ZCCHC8: variants seen among roughly 807,000 people sequenced by gnomAD.
ZCCHC8 encodes zinc finger CCHC domain-containing protein 8.
ZCCHC8 carries 27 observed loss-of-function variants against 70.6 expected under a neutral mutation model. The ratio of observed to expected loss-of-function variants is 0.38; its 90% CI spans 0.28 to 0.53. The LOEUF (loss-of-function observed/expected upper bound fraction) is 0.53, where lower values mean the gene tolerates loss of function less well. Among genes scored for constraint, ZCCHC8 ranks in the 20% least tolerant of loss-of-function variants. ZCCHC8 has a pLI of 0.81. For missense variants in ZCCHC8, 737 were observed against 876.9 expected, an observed-to-expected ratio of 0.84 and a Z score of 2.01; for synonymous variants, 293 against 317.4, an observed-to-expected ratio of 0.92 and a Z score of 0.82.
At chr12:122,476,936 C>A (rs1002329083) in intron 13 of ZCCHC8, among the ~76,000 whole-genome samples, 31 of 148,546 alleles carry the variant, frequency 2.1e-4, no homozygotes, top group Admixed American at 4.0e-4. Flanking sequence ...GCAGGAGAAT[C>A]GCTTGAACCT....
rs1284367342 is a variant in ZCCHC8 at position 122,492,699 on chromosome 12, G to A, written c.317+16C>T. ...AAACACATTATTATATTTAGGAAAG[G>A]GAAAAAATTACTTACTTTGAAATAG... On this transcript the variant is annotated intron_variant, in intron 3 of 13. Transcript: ENST00000633063. The A allele has an allele frequency of 6.8e-7, 1 of 1,473,538 alleles. No individual in the cohort carries two copies. The allele number at this position is 1,473,538 out of a possible 1,614,324, so 91.3% of individuals were successfully genotyped here.
intron 5 of ZCCHC8, among the ~76,000 whole-genome samples, chr12:122,488,597 G>C (rs373222434): frequency 1.3e-5 from 2 of 150,764 alleles, no homozygotes; most frequent in East Asian, 2.0e-4. Context: ...GCTGCGCTGG[G>C]CACAGTGGCT....
chr12:122,485,662 T>C (rs549649464), intron 5 of ZCCHC8, among the ~76,000 whole-genome samples: 5 of 151,606 alleles, frequency 3.3e-5, no homozygotes, highest in African/African-American at 1.2e-4. Context: ...AGAGAAAATA[T>C]GACGACATCC....
Position 122,500,639 on chromosome 12 carries a change from T to C in ZCCHC8, c.199+3A>G, listed in dbSNP as rs777713746. ...GACAGGGCCCAGCGAGAGGAAAGGA[T>C]ATTCTCGGCGCGGAGCTGCTCGATG... On this transcript the variant is annotated splice_donor_region_variant and intron_variant, in intron 1 of 13. Coordinates refer to ENST00000633063, the MANE Select transcript of ZCCHC8 (RefSeq NM_017612.5). This position sits in a 1 kb window ranked among gnomAD's most constrained non-coding sequence, Gnocchi z 4.8. 36 of 1,566,602 alleles carry C rather than the reference T, an allele frequency of 2.3e-5. No homozygotes were observed. Among genetic ancestry groups the C allele is most frequent in the Non-Finnish European group, 2.7e-5 (31 of 1,158,028 alleles).
intron 12 of ZCCHC8, 38 bp from the exon 13 acceptor site, chr12:122,477,996 G>A: frequency 6.7e-7 from 1 of 1,491,634 alleles, no homozygotes; most frequent in Non-Finnish European, 9.4e-7. Flanking sequence ...GTTAAGCGGG[G>A]TAGATAATGA....
intron 2 of ZCCHC8, among the ~76,000 whole-genome samples, chr12:122,494,367 C>T (rs1163154205): frequency 2.7e-5 from 4 of 149,764 alleles, no homozygotes; most frequent in Non-Finnish European, 5.9e-5. Context: ...GCCTGGCCAA[C>T]ATGGTGCAAC....
At position 122,471,815 on chromosome 12, in the gene ZCCHC8, TC is replaced by T. The variant is rs1957321842; in HGVS notation, c.*1681del. The T allele has an allele frequency of 6.6e-6, 1 of 152,116 alleles. No homozygotes were observed. Among genetic ancestry groups the T allele is most frequent in the African/African-American group, 2.4e-5 (1 of 41,428 alleles). 9.4% of individuals were successfully genotyped at this position (152,116 alleles called of 1,614,324 possible). On this transcript the variant is annotated 3_prime_UTR_variant, in exon 14 of 14. Coordinates refer to ENST00000633063, the MANE Select transcript of ZCCHC8 (RefSeq NM_017612.5). Reference sequence around the variant, plus strand: ...TATATCTGGAATGTTTCTATTTTGCTCCCCCTGTTGGCCTGAGAGCAGGATA... The same window carrying T: ...TATATCTGGAATGTTTCTATTTTGCTCCCCTGTTGGCCTGAGAGCAGGATA...
At position 122,500,523 on chromosome 12, in the gene ZCCHC8, TG is replaced by T; in HGVS notation, c.199+118del. The T allele has an allele frequency of 8.0e-7, 1 of 1,246,820 alleles. No individual in the cohort carries two copies. Among genetic ancestry groups the T allele is most frequent in the Non-Finnish European group, 1.1e-6 (1 of 927,298 alleles). 77.2% of individuals were successfully genotyped at this position (1,246,820 alleles called of 1,614,324 possible). On this transcript the variant is annotated intron_variant, in intron 1 of 13. Transcript: ENST00000633063. This position sits in a 1 kb window ranked among gnomAD's most constrained non-coding sequence, Gnocchi z 4.8. ...GGGTGACAGAAAGCACTTGGAATTC[TG>T]GCCCTCCTGGAACTTCCGCCCGCGC...
At chr12:122,494,239 ATT>A (rs1452251508) in intron 2 of ZCCHC8, among the ~76,000 whole-genome samples, 1 of 152,094 alleles carries the variant, frequency 6.6e-6, no homozygotes, top group Non-Finnish European at 1.5e-5. Context: ...TCTATTTGGA[ATT>A]GTCCATATCA....
intron 1 of ZCCHC8, 183 bp from the exon 2 acceptor site, chr12:122,499,052 TA>T (rs1402387703): frequency 1.6e-6 from 1 of 619,242 alleles, no homozygotes; most frequent in Non-Finnish European, 2.8e-6. Flanking sequence ...AACCCAAAAT[TA>T]AAGTACGGTT....
At position 122,480,177 on chromosome 12, in the gene ZCCHC8, T is replaced by C; in HGVS notation, c.1140+13A>G. 6.4e-7 allele frequency: 1 copy of C among 1,552,078 alleles called. No individual in the cohort carries two copies. Among genetic ancestry groups the C allele is most frequent in the Non-Finnish European group, 8.8e-7 (1 of 1,139,340 alleles). On this transcript the variant is annotated intron_variant, in intron 11 of 13. Coordinates refer to ENST00000633063, the MANE Select transcript of ZCCHC8 (RefSeq NM_017612.5). Reference sequence around the variant, plus strand: ...CACATCACATGATAATTTAAAAAAATCAATATACTTACGTCTGGAATTCCT... The same window carrying C: ...CACATCACATGATAATTTAAAAAAACCAATATACTTACGTCTGGAATTCCT...
intron 5 of ZCCHC8, among the ~76,000 whole-genome samples, chr12:122,488,796 G>A (rs948580786): frequency 5.9e-5 from 9 of 151,506 alleles, no homozygotes; most frequent in East Asian, 2.0e-4. Context: ...GCTTGAACCC[G>A]GGAGGCGGAG....
chr12:122,486,386 CTGGG>C (rs1279944343), intron 5 of ZCCHC8, among the ~76,000 whole-genome samples: 2 of 131,484 alleles, frequency 1.5e-5, no homozygotes, highest in Non-Finnish European at 3.1e-5. Flanking sequence ...GCACTCTAGC[CTGGG>C]TGACAGAGCG....
rs376802861 is a variant in ZCCHC8, at chr12:122,481,433, G to A, written c.1018+89C>T. The A allele has an allele frequency of 4.0e-5, 58 of 1,455,536 alleles. No individual in the cohort carries two copies. In the East Asian group the frequency reaches 5.9e-4, roughly 15 times the overall value. 90.2% of individuals were successfully genotyped at this position (1,455,536 alleles called of 1,614,324 possible). A position where few individuals can be genotyped will look rare whatever the true frequency, so the allele number is the denominator to read the frequency against. On this transcript the variant is annotated intron_variant, in intron 10 of 13. Coordinates refer to ENST00000633063, the MANE Select transcript of ZCCHC8 (RefSeq NM_017612.5). ...TTAGTTAGCACACATTAAAGAAGCC[G>A]GCCATTCCTATCACATTTTGTTGTG...
chr12:122,495,882 AAAAAAG>A (rs1957819601), intron 2 of ZCCHC8, among the ~76,000 whole-genome samples: 2 of 133,222 alleles, frequency 1.5e-5, no homozygotes, highest in South Asian at 2.5e-4. Flanking sequence ...AAAAAAAAAA[AAAAAAG>A]GAGAAACAGA....
In ZCCHC8 at chr12:122,500,555, C is replaced by T; in HGVS notation, c.199+87G>A. The stretch of plus-strand genomic sequence containing the variant: ...CCTGGAACTTCCGCCCGCGCCCTCG[C>T]CCTCGCCCGGCGCTGCCCCGGCCCC... On this transcript the variant is annotated intron_variant, in intron 1 of 13. Coordinates refer to ENST00000633063, the MANE Select transcript of ZCCHC8 (RefSeq NM_017612.5). This position sits in a 1 kb window ranked among gnomAD's most constrained non-coding sequence, Gnocchi z 4.8. The T allele has an allele frequency of 7.0e-7, 1 of 1,423,780 alleles. No individual in the cohort carries two copies. The allele number at this position is 1,423,780 out of a possible 1,614,324, so 88.2% of individuals were successfully genotyped here.
chr12:122,485,169 C>T (rs10846993), intron 5 of ZCCHC8, among the ~76,000 whole-genome samples: 53,377 of 152,040 alleles, frequency 0.35, 11,249 homozygotes, highest in Non-Finnish European at 0.45. Context: ...AGTGCCATGG[C>T]GCAATCTCAG....
chr12:122,478,039 A>C, intron 12 of ZCCHC8, 81 bp from the exon 13 acceptor site: 1 of 1,287,642 alleles, frequency 7.8e-7, no homozygotes, highest in Non-Finnish European at 1.1e-6. Flanking sequence ...AAAATGATGT[A>C]GAAAAACAAT....
chr12:122,475,794 A>G (rs1957407468), intron 13 of ZCCHC8, among the ~76,000 whole-genome samples: 1 of 152,160 alleles, frequency 6.6e-6, no homozygotes, highest in Non-Finnish European at 1.5e-5. Flanking sequence ...ACCCCACAGG[A>G]TGAAGTCCAA....
Sources: allele counts gnomAD v4.1 joint callset (sites outside exome capture counted in the v4.1 genomes callset), GRCh38; gene constraint gnomAD v4.1.1; non-coding constraint Gnocchi (gnomAD v3.1); transcripts MANE v1.5; gene names NCBI Gene and HGNC (gene_info 2026-07-23, HGNC 2026-07-21).